The following SEMA5B variants were observed in gnomAD, a reference collection of about 807,000 sequenced individuals.
The protein encoded by SEMA5B is semaphorin 5B, also known as semaphorin-5B.
SEMA5B carries 66 observed loss-of-function variants against 135.0 expected under a neutral mutation model. The observed-to-expected ratio is 0.49, with a 90% CI of 0.40 to 0.60. SEMA5B has a LOEUF of 0.60. SEMA5B is among the 20% of genes least tolerant of loss of function. The pLI is 0.00. For missense variants in SEMA5B, 1,501 were observed against 1,566.3 expected (o/e 0.96, Z 0.70); for synonymous variants, 690 against 639.5 (o/e 1.08, Z -1.19).
chr3:123,019,076 G>A (rs1407379860), intron 1 of SEMA5B, among the ~76,000 whole-genome samples: 1 of 152,158 alleles, frequency 6.6e-6, no homozygotes, highest in African/African-American at 2.4e-5. Flanking sequence ...TTCTGCTGGA[G>A]AAAGACACAG....
intron 5 of SEMA5B, among the ~76,000 whole-genome samples, chr3:122,931,819 G>T (rs1364231095): frequency 6.6e-6 from 1 of 152,170 alleles, no homozygotes; most frequent in Non-Finnish European, 1.5e-5. Context: ...GATACCAAAA[G>T]ATGCCTACAG....
In SEMA5B at chr3:122,910,208, G is replaced by T; in HGVS notation, c.3391C>A (p.Pro1131Thr). Residue 1131 changes from proline (P) to threonine (T), a missense_variant, in exon 23 of 23, where the codon CCC becomes ACC. Transcript: ENST00000357599. ...NVYTTTYYPS[P>T]LNKHSFRPEA... ...GGCCGGAAGCTGTGTTTGTTCAGGGGGCTTGGGTAGTAAGTAGTCGTGTAC... is the reference window on the plus strand; with the variant it reads ...GGCCGGAAGCTGTGTTTGTTCAGGGTGCTTGGGTAGTAAGTAGTCGTGTAC... 4.3e-6 allele frequency: 7 copies of T among 1,614,226 alleles called. No individual in the cohort carries two copies. The highest frequency in any genetic ancestry group is 5.9e-6 in the Non-Finnish European group (7 of 1,180,032).
chr3:122,924,479 C>G (rs1938525228), intron 9 of SEMA5B, among the ~76,000 whole-genome samples: 1 of 152,318 alleles, frequency 6.6e-6, no homozygotes, highest in South Asian at 2.1e-4. Flanking sequence ...GTATCCTAAT[C>G]CATTCTCCAC....
At position 122,912,054 on chromosome 3, in the gene SEMA5B, C is replaced by G; in HGVS notation, c.2912G>C (p.Trp971Ser). The G allele has an allele frequency of 3.1e-6, 5 of 1,612,576 alleles. No individual in the cohort carries two copies. The highest frequency in any genetic ancestry group is 4.2e-6 in the Non-Finnish European group (5 of 1,178,898). Residue 971 changes from tryptophan (W) to serine (S), a missense_variant, in exon 20 of 23, where the codon TGG becomes TCG. By Grantham distance (177) the Trp-to-Ser change is radical (BLOSUM62 -3). Around this residue, in one of 2 missense-constraint regions of SEMA5B, gnomAD observed 927 missense variants for 881.6 expected, o/e 1.05. Transcript: ENST00000357599. ...TQACPEGWSP[W>S]SEWSKCTDDG... ...GTCAGTGCACTTACTCCACTCAGAC[C>G]AGGGCGACCAGCCTTCTGGGGATTG...
At chr3:122,910,355 G>A in intron 22 of SEMA5B, 54 bp from the exon 23 acceptor site, 1 of 1,591,086 alleles carries the variant, frequency 6.3e-7, no homozygotes, top group Non-Finnish European at 8.6e-7. Flanking sequence ...ACAGGGGAAG[G>A]GAACAGGCCA....
intron 10 of SEMA5B, 49 bp from the exon 11 acceptor site, chr3:122,922,496 C>T: frequency 6.6e-7 from 1 of 1,512,180 alleles, no homozygotes; most frequent in Non-Finnish European, 8.9e-7. Flanking sequence ...AGGGCTGCCG[C>T]CATCCCCCGC....
In SEMA5B at chr3:123,003,889, T is replaced by C. The variant is rs199832757; in HGVS notation, c.-39+23575A>G. Among the ~76,000 whole-genome samples the C allele has an allele frequency of 3.9e-4, 60 of 152,294 alleles. 1 individual carries two copies. In the East Asian group the frequency reaches 0.01, roughly 26 times the overall value. On this transcript the variant is annotated intron_variant, in intron 1 of 22. Coordinates refer to ENST00000357599, the MANE Select transcript of SEMA5B (RefSeq NM_001031702.4). ...AATAAAAAGAAAGTTCTTGAAGTTT[T>C]AATTCAGCTGCCAAGAACAATCAGG...
At chr3:122,939,545 G>A in intron 4 of SEMA5B, 75 bp from the exon 5 acceptor site, 1 of 1,163,558 alleles carries the variant, frequency 8.6e-7, no homozygotes, top group Non-Finnish European at 1.3e-6. Flanking sequence ...CTCCTGGCTT[G>A]GGCCTCCTGG....
chr3:122,955,588 C>T (rs923427691), intron 2 of SEMA5B, among the ~76,000 whole-genome samples: 3 of 152,116 alleles, frequency 2.0e-5, no homozygotes, highest in Admixed American at 6.5e-5. Flanking sequence ...CCAGAATTTC[C>T]CCACCAGCAG....
chr3:122,958,482 C>T (rs1174311379), intron 2 of SEMA5B, among the ~76,000 whole-genome samples: 1 of 152,174 alleles, frequency 6.6e-6, no homozygotes, highest in South Asian at 2.1e-4. Context: ...AGTATGGTGG[C>T]CCACAAGTGG....
intron 1 of SEMA5B, among the ~76,000 whole-genome samples, chr3:122,997,911 T>C (rs1005492157): frequency 1.3e-5 from 2 of 152,132 alleles, no homozygotes; most frequent in African/African-American, 4.8e-5. Context: ...GGGACAGAGA[T>C]ACCCCAGCCT....
chr3:123,011,499 A>G (rs917689873), intron 1 of SEMA5B, among the ~76,000 whole-genome samples: 1 of 152,222 alleles, frequency 6.6e-6, no homozygotes, highest in African/African-American at 2.4e-5. Flanking sequence ...GTTTTGCCCA[A>G]GAAGGGGGAA....
chr3:122,984,480 G>C (rs1248551668), intron 1 of SEMA5B, among the ~76,000 whole-genome samples: 3 of 152,184 alleles, frequency 2.0e-5, no homozygotes, highest in Non-Finnish European at 4.4e-5. Context: ...TCCGTCTGTG[G>C]CTTCTGTTTG....
chr3:122,910,827 A>G lies in SEMA5B; in HGVS notation c.3297+13T>C, dbSNP rs1937646635. 3 of 1,537,214 alleles carry G rather than the reference A, an allele frequency of 2.0e-6. No homozygotes were observed. The highest frequency in any genetic ancestry group is 2.5e-5 in the South Asian group (2 of 80,524). ...TCCGTCTCAAAAAAAAAAAAAAAAA[A>G]GAAGGCTCCCACCTTGAATTCCATG... is the stretch of plus-strand genomic sequence containing the variant. On this transcript the variant is annotated intron_variant, in intron 22 of 22. Coordinates refer to ENST00000357599, the MANE Select transcript of SEMA5B (RefSeq NM_001031702.4).
At chr3:122,983,722 A>C (rs1941607280) in intron 1 of SEMA5B, among the ~76,000 whole-genome samples, 1 of 54,410 alleles carries the variant, frequency 1.8e-5, no homozygotes, top group African/African-American at 1.3e-4. Flanking sequence ...GTCTCAAAAA[A>C]AAAAAAAAAA....
upstream of SEMA5B, among the ~76,000 whole-genome samples, chr3:123,027,973 G>T (rs1057078777): frequency 3.9e-5 from 6 of 152,284 alleles, no homozygotes; most frequent in Middle Eastern, 6.8e-3. Context: ...CCCGCCCCGG[G>T]CCTGCCGAGT....
chr3:122,968,556 C>T (rs1013742156), intron 1 of SEMA5B, among the ~76,000 whole-genome samples: 14 of 152,114 alleles, frequency 9.2e-5, no homozygotes, highest in Non-Finnish European at 1.5e-4. Context: ...CCTACTCCAA[C>T]GCCCGCCCCA....
rs13319802 is a variant in SEMA5B at position 122,961,602 on chromosome 3, G to A, written c.-38-301C>T. On this transcript the variant is annotated intron_variant, in intron 1 of 22. Coordinates refer to ENST00000357599, the MANE Select transcript of SEMA5B (RefSeq NM_001031702.4). ...AGCCCCCCAAGTAGTTGTGACAACA[G>A]GTTGCACCACCATACCTGGCTAATT... 5.0e-3 allele frequency among the ~76,000 whole-genome samples: 759 copies of A among 152,082 alleles called. 4 individuals carry two copies. Among genetic ancestry groups the A allele is most frequent in the African/African-American group, 0.017 (722 of 41,484 alleles).
intron 5 of SEMA5B, among the ~76,000 whole-genome samples, chr3:122,931,142 C>T (rs532267253): frequency 1.3e-5 from 2 of 152,154 alleles, no homozygotes; most frequent in East Asian, 1.9e-4. Flanking sequence ...TCCGACGACC[C>T]ACTCCTCCCA....
Sources: gnomAD v4.1 joint callset for allele counts (sites outside exome capture counted in the v4.1 genomes callset) on GRCh38, gnomAD v4.1.1 for gene constraint, gnomAD v4.1.1 regional missense constraint, MANE v1.5 for transcripts, NCBI Gene and HGNC (gene_info 2026-07-23, HGNC 2026-07-21) for gene names.